COL28A1: variants seen among roughly 807,000 people sequenced by gnomAD.
The protein encoded by COL28A1 is collagen alpha-1(XXVIII) chain.
A neutral mutation model predicts 150.2 loss-of-function variants in COL28A1; 161 were observed. The observed-to-expected ratio is 1.07, with a 90% CI of 0.94 to 1.22. COL28A1 has a LOEUF of 1.22. COL28A1 is among the 50% of genes most tolerant of loss of function. The probability of loss-of-function intolerance (pLI) is 0.00; values close to 1 mark genes in which losing one functional copy is unlikely to be tolerated. For missense variants in COL28A1, 1,617 were observed against 1,388.3 expected (o/e 1.16, Z -2.62); for synonymous variants, 552 against 469.7 (o/e 1.18, Z -2.26).
At chr7:7,439,256 C>A (rs1341946502) in intron 21 of COL28A1, among the ~76,000 whole-genome samples, 1 of 152,162 alleles carries the variant, frequency 6.6e-6, no homozygotes, top group Non-Finnish European at 1.5e-5. Flanking sequence ...AAGCTGAGCA[C>A]ACTGGCCCAC....
chr7:7,432,239 A>C (rs1785023427), intron 25 of COL28A1, among the ~76,000 whole-genome samples: 1 of 152,202 alleles, frequency 6.6e-6, no homozygotes, highest in South Asian at 2.1e-4. Flanking sequence ...GTATAAGAAG[A>C]GGAAGCAGCA....
At chr7:7,423,338 T>A (rs1784479868) in intron 25 of COL28A1, among the ~76,000 whole-genome samples, 1 of 152,218 alleles carries the variant, frequency 6.6e-6, no homozygotes. Context: ...TTAATTTTCA[T>A]AATTGTTTTA....
chr7:7,411,835 G>C (rs1783806054), intron 27 of COL28A1, among the ~76,000 whole-genome samples: 1 of 152,136 alleles, frequency 6.6e-6, no homozygotes, highest in Non-Finnish European at 1.5e-5. Context: ...ATAAATGACG[G>C]GCTAAACCCA....
chr7:7,499,237 G>A (rs904589711), intron 11 of COL28A1, among the ~76,000 whole-genome samples: 2 of 152,104 alleles, frequency 1.3e-5, no homozygotes, highest in African/African-American at 2.4e-5. Context: ...CGTTCACATC[G>A]TTTGGCGGCT....
chr7:7,465,153 G>A (rs550204213), intron 15 of COL28A1, among the ~76,000 whole-genome samples: 56 of 150,968 alleles, frequency 3.7e-4, no homozygotes, highest in Non-Finnish European at 5.8e-4. Flanking sequence ...CAGCGTGAGC[G>A]ACGCAGAAGA....
intron 8 of COL28A1, among the ~76,000 whole-genome samples, chr7:7,512,830 T>C (rs1309875580): frequency 1.3e-5 from 2 of 152,236 alleles, no homozygotes; most frequent in African/African-American, 4.8e-5. Context: ...AGTCCAGTGC[T>C]CTCAACACTA....
At chr7:7,432,152 T>C (rs1416101774) in intron 25 of COL28A1, among the ~76,000 whole-genome samples, 2 of 152,122 alleles carry the variant, frequency 1.3e-5, no homozygotes, top group East Asian at 1.9e-4. Context: ...GTTAAAGCCA[T>C]GGGGCTGGAC....
chr7:7,519,447 C>T (rs1781591976), intron 6 of COL28A1, among the ~76,000 whole-genome samples: 1 of 152,136 alleles, frequency 6.6e-6, no homozygotes, highest in African/African-American at 2.4e-5. Flanking sequence ...TTTTTCATTA[C>T]ACAGAATTTT....
intron 33 of COL28A1, among the ~76,000 whole-genome samples, chr7:7,367,882 C>T (rs894123325): frequency 1.3e-5 from 2 of 151,752 alleles, no homozygotes; most frequent in African/African-American, 4.8e-5. Flanking sequence ...CAATCCATCT[C>T]ATCTCCATGC....
At chr7:7,415,248 T>A (rs540447501) in intron 27 of COL28A1, among the ~76,000 whole-genome samples, 1 of 152,326 alleles carries the variant, frequency 6.6e-6, no homozygotes, top group African/African-American at 2.4e-5. Context: ...GCAAGCAGAT[T>A]TCACTGATTC....
intron 3 of COL28A1, among the ~76,000 whole-genome samples, chr7:7,527,138 T>C (rs1444149898): frequency 6.6e-6 from 1 of 152,248 alleles, no homozygotes; most frequent in African/African-American, 2.4e-5. Context: ...ATTTTGTGTT[T>C]GCTGGAATTT....
At chr7:7,451,600 C>T (rs1011323623) in intron 18 of COL28A1, among the ~76,000 whole-genome samples, 1 of 151,928 alleles carries the variant, frequency 6.6e-6, no homozygotes, top group Non-Finnish European at 1.5e-5. Context: ...CTTGGGTACT[C>T]TAACGGCTGA....
intron 27 of COL28A1, among the ~76,000 whole-genome samples, chr7:7,383,340 G>A (rs989456090): frequency 1.1e-4 from 16 of 150,650 alleles, no homozygotes; most frequent in African/African-American, 3.7e-4. Context: ...GTGCAGTGGT[G>A]TGATCTCAGT....
At chr7:7,539,956 G>A (rs1415945047), upstream of COL28A1, among the ~76,000 whole-genome samples, 7 of 152,026 alleles carry the variant, frequency 4.6e-5, no homozygotes, top group Admixed American at 6.6e-5. Context: ...CTAAATTCCC[G>A]TTATACCAAT....
At chr7:7,392,746 T>C (rs890700720) in intron 27 of COL28A1, among the ~76,000 whole-genome samples, 5 of 152,218 alleles carry the variant, frequency 3.3e-5, no homozygotes, top group African/African-American at 7.2e-5. Flanking sequence ...TCTGATATCC[T>C]TTCTTCCACT....
chr7:7,417,882 CA>C lies in COL28A1; in HGVS notation c.2112del (p.Gly705AlafsTer67). The C allele has an allele frequency of 1.9e-6, 3 of 1,613,460 alleles. No homozygotes were observed. The highest frequency in any genetic ancestry group is 1.1e-5 in the South Asian group (1 of 90,944). The part of the protein sequence containing the change: ...QKGLPGPPGP[P>X]GYGSQGIKGE... ...ACTTTAATTCCCTGTGATCCATAGC[CA>C]GGGGGGCCAGGAGGGCCAGGCAAGC... On this transcript the variant is annotated frameshift_variant, in exon 27 of 35. Coordinates refer to ENST00000399429, the MANE Select transcript of COL28A1 (RefSeq NM_001037763.3). LOFTEE classifies it high-confidence loss of function.
chr7:7,491,683 G>A (rs924395793), intron 11 of COL28A1, among the ~76,000 whole-genome samples: 8 of 152,272 alleles, frequency 5.3e-5, no homozygotes, highest in African/African-American at 1.9e-4. Context: ...AGAAACCCAA[G>A]TCCCAGAGAG....
At chr7:7,480,889 G>A (rs1435651189) in intron 13 of COL28A1, among the ~76,000 whole-genome samples, 1 of 152,156 alleles carries the variant, frequency 6.6e-6, no homozygotes, top group Non-Finnish European at 1.5e-5. Flanking sequence ...GTCAATCTCT[G>A]CAAAGCACAA....
the COL28A1 span, among the ~76,000 whole-genome samples, chr7:7,339,229 T>C: frequency 6.6e-6 from 1 of 152,154 alleles, no homozygotes; most frequent in Admixed American, 6.5e-5. Context: ...ATCTTTTGCC[T>C]CTTAATTCCC....
Sources: allele counts gnomAD v4.1 joint callset (sites outside exome capture counted in the v4.1 genomes callset), GRCh38; gene constraint gnomAD v4.1.1; transcripts MANE v1.5; gene names NCBI Gene and HGNC (gene_info 2026-07-23, HGNC 2026-07-21).